The following TUBGCP5 variants were observed in gnomAD, a reference collection of about 807,000 sequenced individuals.
The protein encoded by TUBGCP5 is tubulin gamma complex component 5.
A neutral mutation model predicts 134.7 loss-of-function variants in TUBGCP5; 98 were observed. The ratio of observed to expected loss-of-function variants is 0.73; its 90% CI spans 0.62 to 0.86. TUBGCP5 has a LOEUF of 0.86. Ranked by LOEUF, TUBGCP5 falls within the 40% of genes least tolerant of loss-of-function variation. The pLI is 0.00. For synonymous variants in TUBGCP5, 456 were observed against 431.4 expected (o/e 1.06, Z -0.71); for missense variants, 1,150 against 1,244.8 (o/e 0.92, Z 1.15).
At chr15:23,004,469 C>T (rs954054171) in intron 19 of TUBGCP5, 5 of 452,364 alleles carry the variant, frequency 1.1e-5, no homozygotes, top group Admixed American at 4.6e-5. Flanking sequence ...TGAATGAACG[C>T]CAAACTCTGG....
intron 23 of TUBGCP5, among the ~76,000 whole-genome samples, chr15:22,993,525 G>GTTTTTTTTTTTT (rs71414252): frequency 2.9e-5 from 2 of 69,274 alleles, no homozygotes; most frequent in African/African-American, 1.2e-4. Context: ...AGCCCCCGAA[G>GTTTTTTTTTTTT]TTTTTTTTTT....
intron 10 of TUBGCP5, chr15:23,023,247 G>C (rs745618335): frequency 4.0e-5 from 6 of 151,872 alleles, no homozygotes; most frequent in Non-Finnish European, 8.8e-5. Flanking sequence ...GGAGGATGGC[G>C]TGAACCCGGG....
chr15:22,997,639 CAG>C (rs1202952426), downstream of TUBGCP5, among the ~76,000 whole-genome samples: 1 of 151,526 alleles, frequency 6.6e-6, no homozygotes, highest in African/African-American at 2.4e-5. Flanking sequence ...TTTTCTGAGA[CAG>C]AGTCTCGCTC....
At chr15:23,024,658 A>G in intron 9 of TUBGCP5, 79 bp downstream of exon 9, 1 of 794,738 alleles carries the variant, frequency 1.3e-6, no homozygotes, top group South Asian at 2.0e-5. Flanking sequence ...CAATTTTAAT[A>G]TTGTAAAATG....
chr15:23,039,166 C>G (rs2066768340), intron 1 of TUBGCP5, among the ~76,000 whole-genome samples: 1 of 151,994 alleles, frequency 6.6e-6, no homozygotes, highest in South Asian at 2.1e-4. Flanking sequence ...ACGCTTTCCC[C>G]GTGACGATCA....
chr15:23,032,879 C>T, intron 3 of TUBGCP5, 55 bp from the exon 4 acceptor site: 1 of 1,307,560 alleles, frequency 7.6e-7, no homozygotes, highest in African/African-American at 1.5e-5. Context: ...GCTTTCTACA[C>T]CAGATTGAGT....
At chr15:23,011,762 C>G (rs545857088) in intron 13 of TUBGCP5, among the ~76,000 whole-genome samples, 5 of 147,798 alleles carry the variant, frequency 3.4e-5, no homozygotes, top group Admixed American at 1.3e-4. Flanking sequence ...CCACCCGCCT[C>G]AGCCTCCCAA....
At chr15:23,011,878 G>A (rs530524535) in intron 13 of TUBGCP5, among the ~76,000 whole-genome samples, 11 of 149,924 alleles carry the variant, frequency 7.3e-5, no homozygotes, top group African/African-American at 2.4e-4. Flanking sequence ...CACTTTGGGA[G>A]GCTGAGGCGG....
Position 23,019,324 on chromosome 15 carries a change from A to C in TUBGCP5, c.1382T>G (p.Leu461Arg). The C allele has an allele frequency of 1.2e-6, 2 of 1,613,368 alleles. No homozygotes were observed. The highest frequency in any genetic ancestry group is 1.7e-6 in the Non-Finnish European group (2 of 1,179,518). Residue 461 changes from leucine (L) to arginine (R), a missense_variant, in exon 12 of 23, where the codon CTT becomes CGT. Leu to Arg is a moderately radical substitution (Grantham distance 102). Transcript: ENST00000615383. ...CACCGTTTCCACCCAGAGAGAGAAA[A>C]GGAGGGAGACCTGAGGCAGAGAGTG... Reference protein sequence around the residue: ...GEASEQTVSLLFSLWVETVRP... With the variant: ...GEASEQTVSLRFSLWVETVRP...
chr15:23,030,600 T>TAA (rs1567162272), intron 6 of TUBGCP5, among the ~76,000 whole-genome samples: 5 of 118,768 alleles, frequency 4.2e-5, no homozygotes, highest in South Asian at 2.9e-4. Flanking sequence ...CCTTCTCCAA[T>TAA]TAAAAAAAAA....
At chr15:23,021,204 C>G (rs1310671418) in intron 11 of TUBGCP5, among the ~76,000 whole-genome samples, 1 of 152,082 alleles carries the variant, frequency 6.6e-6, no homozygotes, top group Non-Finnish European at 1.5e-5. Context: ...TTCCTGGGCT[C>G]AAGTGATCCT....
At chr15:23,021,701 CGT>C (rs2065707907) in intron 11 of TUBGCP5, among the ~76,000 whole-genome samples, 1 of 152,160 alleles carries the variant, frequency 6.6e-6, no homozygotes, top group Non-Finnish European at 1.5e-5. Flanking sequence ...TGTAAGAAAG[CGT>C]TATTGTAAAT....
At chr15:23,026,920 G>A (rs911445012) in intron 7 of TUBGCP5, among the ~76,000 whole-genome samples, 7 of 151,964 alleles carry the variant, frequency 4.6e-5, no homozygotes, top group African/African-American at 1.5e-4. Context: ...GTGACAGAGC[G>A]AGACTTTGTC....
chr15:23,004,513 C>CATTA, intron 19 of TUBGCP5: 1 of 377,096 alleles, frequency 2.7e-6, no homozygotes, highest in Non-Finnish European at 4.7e-6. Flanking sequence ...GGGGCAAGCA[C>CATTA]ATTAAGCTGT....
intron 23 of TUBGCP5, among the ~76,000 whole-genome samples, chr15:22,990,390 G>A (rs958220984): frequency 2.0e-5 from 3 of 152,180 alleles, no homozygotes; most frequent in African/African-American, 4.8e-5. Context: ...CCAGGCCAAG[G>A]CTGGAGCCAA....
intron 23 of TUBGCP5, among the ~76,000 whole-genome samples, chr15:22,986,922 C>A: frequency 6.6e-6 from 1 of 152,174 alleles, no homozygotes; most frequent in East Asian, 1.9e-4. Context: ...AGGGTTCAAC[C>A]AGAAAAGCAG....
At chr15:22,998,103 C>T (rs2064179139), downstream of TUBGCP5, among the ~76,000 whole-genome samples, 1 of 151,852 alleles carries the variant, frequency 6.6e-6, no homozygotes, top group African/African-American at 2.4e-5. Context: ...TCACCTGAGG[C>T]CAGGAGTTCG....
chr15:23,033,094 G>A (rs188530206), intron 3 of TUBGCP5, among the ~76,000 whole-genome samples: 3 of 152,150 alleles, frequency 2.0e-5, no homozygotes, highest in East Asian at 3.9e-4. Context: ...TTTCTAAAAC[G>A]ACGGAAATGT....
intron 5 of TUBGCP5, among the ~76,000 whole-genome samples, chr15:23,031,715 C>G (rs2066323049): frequency 6.6e-6 from 1 of 152,100 alleles, no homozygotes; most frequent in Admixed American, 6.6e-5. Flanking sequence ...CCTCCTGCCT[C>G]TCGAAAGTGA....
Sources: allele counts gnomAD v4.1 joint callset (sites outside exome capture counted in the v4.1 genomes callset), GRCh38; gene constraint gnomAD v4.1.1; transcripts MANE v1.5; gene names NCBI Gene and HGNC (gene_info 2026-07-23, HGNC 2026-07-21).